The following AGBL1 variants were observed in gnomAD, a reference collection of about 807,000 sequenced individuals.
AGBL1 encodes cytosolic carboxypeptidase 4.
A neutral mutation model predicts 118.9 loss-of-function variants in AGBL1; 130 were observed. That is an observed-to-expected ratio of 1.09 (90% confidence interval 0.95 to 1.26). AGBL1 has a LOEUF of 1.26. Ranked by LOEUF, AGBL1 falls within the 50% of genes most tolerant of loss-of-function variation. The probability of loss-of-function intolerance (pLI) is 0.00; values close to 1 mark genes in which losing one functional copy is unlikely to be tolerated. For missense variants in AGBL1, 1,584 were observed against 1,298.1 expected (o/e 1.22, Z -3.38); for synonymous variants, 555 against 478.9 (o/e 1.16, Z -2.08).
chr15:87,026,715 T>G (rs2081730654), intron 24 of AGBL1, among the ~76,000 whole-genome samples: 1 of 151,992 alleles, frequency 6.6e-6, no homozygotes, highest in Non-Finnish European at 1.5e-5. Context: ...AATTTGCAAT[T>G]GCAAAAATGT....
intron 18 of AGBL1, among the ~76,000 whole-genome samples, chr15:86,513,211 C>G (rs1303842081): frequency 6.6e-6 from 1 of 151,922 alleles, no homozygotes; most frequent in Non-Finnish European, 1.5e-5. Context: ...TGTGTCTTCT[C>G]AATCTCCTCT....
intron 19 of AGBL1, among the ~76,000 whole-genome samples, chr15:86,539,873 C>T (rs1432102841): frequency 6.6e-6 from 1 of 152,186 alleles, no homozygotes; most frequent in Non-Finnish European, 1.5e-5. Context: ...CTGCTTATCT[C>T]TACTTCAGCT....
chr15:86,577,388 G>A (rs1347164934), intron 21 of AGBL1, among the ~76,000 whole-genome samples: 1 of 152,158 alleles, frequency 6.6e-6, no homozygotes, highest in African/African-American at 2.4e-5. Flanking sequence ...GGTGACTTGG[G>A]TGCTGTTAAA....
At chr15:86,847,912 G>T (rs1212342402) in intron 22 of AGBL1, among the ~76,000 whole-genome samples, 2 of 152,140 alleles carry the variant, frequency 1.3e-5, no homozygotes, top group African/African-American at 2.4e-5. Flanking sequence ...TGGCTGGTCT[G>T]CTGCTTTATT....
At chr15:86,241,046 C>T (rs1458311826) in intron 6 of AGBL1, among the ~76,000 whole-genome samples, 2 of 151,984 alleles carry the variant, frequency 1.3e-5, no homozygotes, top group Non-Finnish European at 2.9e-5. Context: ...TGGACATGGC[C>T]TTTTATGGCA....
At chr15:86,791,712 C>T (rs2078495241) in intron 22 of AGBL1, among the ~76,000 whole-genome samples, 2 of 137,808 alleles carry the variant, frequency 1.5e-5, no homozygotes, top group African/African-American at 5.3e-5. Flanking sequence ...ATTCTGAACT[C>T]ATCTTTCCTT....
At chr15:86,883,111 T>C (rs776358386) in intron 22 of AGBL1, among the ~76,000 whole-genome samples, 2 of 152,228 alleles carry the variant, frequency 1.3e-5, no homozygotes, top group Non-Finnish European at 2.9e-5. Context: ...CATTAATAGA[T>C]GTCAAATATT....
intron 22 of AGBL1, among the ~76,000 whole-genome samples, chr15:86,880,993 G>A (rs1295909917): frequency 6.6e-6 from 1 of 152,080 alleles, no homozygotes; most frequent in African/African-American, 2.4e-5. Flanking sequence ...CCCTGAGCCT[G>A]CCTCCTGGTA....
chr15:86,468,078 TC>T, intron 18 of AGBL1, among the ~76,000 whole-genome samples: 1 of 152,172 alleles, frequency 6.6e-6, no homozygotes, highest in East Asian at 1.9e-4. Context: ...TTGTCCCTAC[TC>T]CCAGACATGC....
intron 21 of AGBL1, among the ~76,000 whole-genome samples, chr15:86,603,921 G>C (rs908214203): frequency 5.9e-5 from 9 of 152,118 alleles, no homozygotes; most frequent in African/African-American, 2.2e-4. Context: ...AAGGAGGACA[G>C]ATTGTCCCTC....
chr15:86,100,446 C>A (rs1567053919), intron 1 of AGBL1, among the ~76,000 whole-genome samples: 1 of 152,018 alleles, frequency 6.6e-6, no homozygotes, highest in Non-Finnish European at 1.5e-5. Context: ...CCATCCAGTC[C>A]TGGGTTTTTC....
At position 87,028,823 on chromosome 15, in the gene AGBL1, A is replaced by G. The variant is rs2081759709; in HGVS notation, c.3324-2A>G. 1 of 1,605,840 alleles carries G rather than the reference A, an allele frequency of 6.2e-7. No homozygotes were observed. The highest frequency in any genetic ancestry group is 8.5e-7 in the Non-Finnish European group (1 of 1,173,828). On this transcript the variant is annotated splice_acceptor_variant, in intron 24 of 24. Coordinates refer to the AGBL1 transcript ENST00000441037. LOFTEE classifies it high-confidence loss of function. ...ATTAATATATTTCTTATTCCTTCTC[A>G]GAGTTTGTGACACTTGATGAGGCTC...
At chr15:86,890,244 T>C (rs968203691) in intron 22 of AGBL1, among the ~76,000 whole-genome samples, 2 of 152,226 alleles carry the variant, frequency 1.3e-5, no homozygotes, top group African/African-American at 2.4e-5. Context: ...TTAATGTTTT[T>C]TTTCTTGTAA....
rs191782865 is a variant in AGBL1, at chr15:86,818,122, C to T, written c.3159-88965C>T. On this transcript the variant is annotated intron_variant, in intron 22 of 22. Transcript: ENST00000614907. ...TGTGCGTGTATGTGACACACACACA[C>T]ACACATGCGCGTGAGAGAGAGTGTT... 2.7e-4 allele frequency among the ~76,000 whole-genome samples: 41 copies of T among 152,228 alleles called. No individual in the cohort carries two copies. In the East Asian group the frequency reaches 7.6e-3, roughly 28 times the overall value.
intron 1 of AGBL1, among the ~76,000 whole-genome samples, chr15:86,111,524 G>T (rs1261292282): frequency 6.6e-6 from 1 of 152,218 alleles, no homozygotes; most frequent in Non-Finnish European, 1.5e-5. Flanking sequence ...AACAACTGTT[G>T]TTGAAGCTGA....
At chr15:86,480,661 AC>A (rs1224548353) in intron 18 of AGBL1, among the ~76,000 whole-genome samples, 5 of 152,036 alleles carry the variant, frequency 3.3e-5, no homozygotes, top group Admixed American at 1.3e-4. Context: ...AAATATATAT[AC>A]ATATGAGAGG....
chr15:86,751,232 G>T (rs1429475599), intron 22 of AGBL1, among the ~76,000 whole-genome samples: 3 of 152,056 alleles, frequency 2.0e-5, no homozygotes, highest in Non-Finnish European at 4.4e-5. Context: ...CTAATTTACA[G>T]TCCTACCAAC....
intron 6 of AGBL1, among the ~76,000 whole-genome samples, chr15:86,233,226 C>G (rs1046842631): frequency 2.0e-5 from 3 of 152,184 alleles, no homozygotes; most frequent in Non-Finnish European, 4.4e-5. Context: ...TTCAATGCAG[C>G]CATTGATTGG....
chr15:86,725,190 A>G (rs1458829743), intron 22 of AGBL1, among the ~76,000 whole-genome samples: 1 of 152,240 alleles, frequency 6.6e-6, no homozygotes, highest in Non-Finnish European at 1.5e-5. Context: ...CCAATATATG[A>G]CAAGCTACAG....
Sources: gnomAD v4.1 joint callset for allele counts (sites outside exome capture counted in the v4.1 genomes callset) on GRCh38, gnomAD v4.1.1 for gene constraint, MANE v1.5 for transcripts, NCBI Gene and HGNC (gene_info 2026-07-23, HGNC 2026-07-21) for gene names.